The following DPP6 variants were observed in gnomAD, a reference collection of about 807,000 sequenced individuals.
DPP6 encodes the protein A-type potassium channel modulatory protein DPP6.
A neutral mutation model predicts 122.6 loss-of-function variants in DPP6; 69 were observed. The observed-to-expected ratio is 0.56, with a 90% CI of 0.46 to 0.69. The LOEUF (loss-of-function observed/expected upper bound fraction) is 0.69. Ranked by LOEUF, DPP6 falls within the 30% of genes least tolerant of loss-of-function variation. The pLI is 0.00. For missense variants in DPP6, 928 were observed against 1,116.9 expected (o/e 0.83, Z 2.41); for synonymous variants, 418 against 433.1 (o/e 0.97, Z 0.43).
intron 1 of DPP6, among the ~76,000 whole-genome samples, chr7:153,929,988 A>T (rs1198957314): frequency 3.9e-5 from 6 of 152,240 alleles, no homozygotes; most frequent in African/African-American, 1.4e-4. Flanking sequence ...GAAAGTTCCT[A>T]TCCTTGCATC....
intron 2 of DPP6, among the ~76,000 whole-genome samples, chr7:154,461,329 G>C (rs560668129): frequency 6.6e-6 from 1 of 152,244 alleles, no homozygotes; most frequent in East Asian, 1.9e-4. Context: ...AACTAACAAA[G>C]GAGTGCAGGT....
chr7:153,894,661 G>A lies in DPP6; in HGVS notation c.51+6927G>A, dbSNP rs118089395. 6.6e-5 allele frequency among the ~76,000 whole-genome samples: 10 copies of A among 152,218 alleles called. No individual in the cohort carries two copies. In the East Asian group the frequency reaches 1.9e-3, roughly 29 times the overall value. ...GTTCTCAACATTGCCTGGAGCCACT[G>A]GTTCCTCCTGCCCCCGACCTCTTCC... On this transcript the variant is annotated intron_variant, in intron 1 of 25. Transcript: ENST00000404039.
intron 1 of DPP6, among the ~76,000 whole-genome samples, chr7:154,072,606 C>T (rs1336355445): frequency 6.6e-6 from 1 of 152,306 alleles, no homozygotes; most frequent in East Asian, 1.9e-4. Flanking sequence ...GAGCAGGTAG[C>T]TGCCTACCCT....
chr7:154,551,166 A>G (rs1009424219), intron 4 of DPP6, among the ~76,000 whole-genome samples: 3 of 152,186 alleles, frequency 2.0e-5, no homozygotes, highest in Non-Finnish European at 4.4e-5. Flanking sequence ...TCAATTTTCA[A>G]TGTTTACATT....
chr7:154,060,226 G>C (rs1801520002), intron 1 of DPP6, among the ~76,000 whole-genome samples: 1 of 142,628 alleles, frequency 7.0e-6, no homozygotes, highest in Non-Finnish European at 1.5e-5. Context: ...TCCCCCCTTT[G>C]CTCTTAGGAT....
At chr7:154,866,659 G>T (rs1803901785) in intron 17 of DPP6, among the ~76,000 whole-genome samples, 1 of 152,192 alleles carries the variant, frequency 6.6e-6, no homozygotes, top group Admixed American at 6.5e-5. Flanking sequence ...CTTTCCCAGT[G>T]GTGGTCTAAC....
chr7:154,615,390 T>A lies in DPP6; in HGVS notation c.628-22431T>A, dbSNP rs542716028. Among the ~76,000 whole-genome samples, 18 of 152,268 alleles carry A rather than the reference T, an allele frequency of 1.2e-4. 1 individual carries two copies. In the South Asian group the frequency reaches 3.7e-3, roughly 32 times the overall value. ...TTAGGAAATGGGTTTCTTCCTAGGG[T>A]TTTTATTCACCGTACAATACTTTCA... On this transcript the variant is annotated intron_variant, in intron 5 of 25. Coordinates refer to ENST00000377770, the MANE Select transcript of DPP6 (RefSeq NM_130797.4).
chr7:154,513,699 T>G (rs1021185837), intron 3 of DPP6, among the ~76,000 whole-genome samples: 1 of 152,090 alleles, frequency 6.6e-6, no homozygotes, highest in Non-Finnish European at 1.5e-5. Flanking sequence ...AAGCTCCCAG[T>G]GGGGTCTGGG....
At chr7:154,414,191 T>A (rs1327329441) in intron 1 of DPP6, among the ~76,000 whole-genome samples, 1 of 152,206 alleles carries the variant, frequency 6.6e-6, no homozygotes, top group Non-Finnish European at 1.5e-5. Flanking sequence ...TGTACTAATA[T>A]GAATTTGGCT....
chr7:154,695,138 C>A (rs191185108), intron 7 of DPP6, among the ~76,000 whole-genome samples: 12 of 152,154 alleles, frequency 7.9e-5, no homozygotes, highest in Non-Finnish European at 8.8e-5. Flanking sequence ...ACAGGGCTGG[C>A]GGCAAGGACA....
intron 1 of DPP6, among the ~76,000 whole-genome samples, chr7:154,078,351 TACACAC>T (rs3052965): frequency 0.09 from 13,443 of 149,284 alleles, 1,196 homozygotes; most frequent in African/African-American, 0.23. Flanking sequence ...AGTGCATATG[TACACAC>T]ACACACACAC....
the DPP6 span, among the ~76,000 whole-genome samples, chr7:153,808,092 T>C: frequency 1.3e-5 from 2 of 152,102 alleles, no homozygotes; most frequent in Admixed American, 6.5e-5. Context: ...ATTGTGTATA[T>C]TTAGGGTGAG....
At chr7:154,671,885 C>CACACACAT (rs1262766358) in intron 7 of DPP6, among the ~76,000 whole-genome samples, 1 of 152,254 alleles carries the variant, frequency 6.6e-6, no homozygotes, top group East Asian at 1.9e-4. Flanking sequence ...CACACACACA[C>CACACACAT]ACAATGGTAG....
chr7:153,856,593 C>T, the DPP6 span, among the ~76,000 whole-genome samples: 1 of 152,204 alleles, frequency 6.6e-6, no homozygotes, highest in Non-Finnish European at 1.5e-5. Context: ...GAATTCTTTA[C>T]TGTGGGATTT....
intron 1 of DPP6, among the ~76,000 whole-genome samples, chr7:153,909,364 T>C (rs1292814604): frequency 1.3e-5 from 2 of 152,142 alleles, no homozygotes; most frequent in African/African-American, 4.8e-5. Flanking sequence ...CCAGAGCACT[T>C]GGAGCAGTTG....
In DPP6 at chr7:154,801,343, CT is replaced by C; in HGVS notation, c.1300-9del. On this transcript the variant is annotated splice_polypyrimidine_tract_variant and intron_variant, in intron 12 of 25. Coordinates refer to ENST00000377770, the MANE Select transcript of DPP6 (RefSeq NM_130797.4). ...TTTTAGTTGTGGTTTCATCCGTGGC[CT>C]TTGTCCACAGAATGAAGAACCTGTG... is the stretch of plus-strand genomic sequence containing the variant. 6.4e-7 allele frequency: 1 copy of C among 1,572,876 alleles called. No homozygotes were observed. The highest frequency in any genetic ancestry group is 8.6e-7 in the Non-Finnish European group (1 of 1,157,346).
rs1423794030 is a variant in DPP6, at chr7:154,602,185, T to A, written c.627+35269T>A. ...GATCTATGTTTACAATGGGCATTTT[T>A]AAGTTATCACAGTTTATCTTTGATT... is the stretch of plus-strand genomic sequence containing the variant. On this transcript the variant is annotated intron_variant, in intron 5 of 25. Transcript: ENST00000377770. Among the ~76,000 whole-genome samples, 2 of 120,990 alleles carry A rather than the reference T, an allele frequency of 1.7e-5. 1 individual carries two copies. Among genetic ancestry groups the A allele is most frequent in the Non-Finnish European group, 3.7e-5 (2 of 53,712 alleles). The allele number at this position is 120,990 out of a possible 152,430, so 79.4% of individuals were successfully genotyped here.
intron 1 of DPP6, among the ~76,000 whole-genome samples, chr7:153,924,416 G>A (rs1259662566): frequency 6.6e-6 from 1 of 152,130 alleles, no homozygotes; most frequent in Non-Finnish European, 1.5e-5. Flanking sequence ...CCTCATTGAG[G>A]GTTTTGAGGA....
At chr7:153,803,188 C>G in the DPP6 span, among the ~76,000 whole-genome samples, 2 of 151,030 alleles carry the variant, frequency 1.3e-5, no homozygotes, top group Non-Finnish European at 2.9e-5. Flanking sequence ...CCAGCATACC[C>G]TAGCCTGGGA....
Sources: allele counts gnomAD v4.1 joint callset (sites outside exome capture counted in the v4.1 genomes callset), GRCh38; gene constraint gnomAD v4.1.1; transcripts MANE v1.5; gene names NCBI Gene and HGNC (gene_info 2026-07-23, HGNC 2026-07-21).